TCERG1: variants seen among roughly 807,000 people sequenced by gnomAD.
TCERG1 encodes transcription elongation regulator 1.
In TCERG1, 37 loss-of-function variants were observed where a neutral mutation model predicts 144.7. The ratio of observed to expected loss-of-function variants is 0.26; its 90% CI spans 0.20 to 0.34. The LOEUF is 0.34. TCERG1 is among the 10% of genes least tolerant of loss of function. The pLI is 1.00. For missense variants in TCERG1, 1,027 were observed against 1,380.7 expected, an observed-to-expected ratio of 0.74 and a Z score of 4.06; for synonymous variants, 492 against 458.2, an observed-to-expected ratio of 1.07 and a Z score of -0.94.
At chr5:146,480,757 T>C (rs1442655562) in intron 12 of TCERG1, among the ~76,000 whole-genome samples, 1 of 152,060 alleles carries the variant, frequency 6.6e-6, no homozygotes, top group Non-Finnish European at 1.5e-5. Flanking sequence ...ACAGATTGAA[T>C]GCAGCCAAAT....
At chr5:146,463,401 C>A in intron 4 of TCERG1, 150 bp from the exon 5 acceptor site, 1 of 1,078,948 alleles carries the variant, frequency 9.3e-7, no homozygotes, top group Non-Finnish European at 1.3e-6. Context: ...TATTTTCAAG[C>A]TTCTTGAAGA....
intron 15 of TCERG1, among the ~76,000 whole-genome samples, chr5:146,484,539 T>C (rs762906163): frequency 3.9e-5 from 6 of 152,042 alleles, no homozygotes; most frequent in Admixed American, 6.6e-5. Context: ...GGTCTAATCA[T>C]GGACTTGAAT....
intron 15 of TCERG1, among the ~76,000 whole-genome samples, chr5:146,490,256 C>G (rs1581524335): frequency 6.6e-6 from 1 of 152,100 alleles, no homozygotes; most frequent in African/African-American, 2.4e-5. Context: ...TGTTCCAAGA[C>G]ACCCAGTGGA....
intron 16 of TCERG1, 138 bp from the exon 17 acceptor site, chr5:146,498,398 A>T (rs1767131051): frequency 1.3e-6 from 1 of 784,508 alleles, no homozygotes; most frequent in African/African-American, 1.8e-5. Flanking sequence ...TCTGAAACTT[A>T]CTGTTCACTG....
rs1408374365 is a variant in TCERG1 at position 146,507,333 on chromosome 5, C to A, written c.2961+126C>A. 3 of 870,650 alleles carry A rather than the reference C, an allele frequency of 3.4e-6. No homozygotes were observed. In the African/African-American group the frequency reaches 5.3e-5, roughly 15 times the overall value. 53.9% of individuals were successfully genotyped at this position (870,650 alleles called of 1,614,324 possible). ...TTCATTACTGGAATGCATCTTATGA[C>A]AATTCTCTGATTTTAAAAAATTATG... On this transcript the variant is annotated intron_variant, in intron 20 of 22. Coordinates refer to ENST00000679501, the MANE Select transcript of TCERG1 (RefSeq NM_001382548.1). This position sits in a 1 kb window ranked among gnomAD's most constrained non-coding sequence, Gnocchi z 4.6.
At chr5:146,490,304 A>T (rs1766273491) in intron 15 of TCERG1, among the ~76,000 whole-genome samples, 1 of 152,174 alleles carries the variant, frequency 6.6e-6, no homozygotes, top group Non-Finnish European at 1.5e-5. Flanking sequence ...ACTTGGGAAG[A>T]TGTCGAAGGT....
intron 15 of TCERG1, among the ~76,000 whole-genome samples, chr5:146,487,959 CA>C (rs1419751752): frequency 6.6e-6 from 1 of 152,006 alleles, no homozygotes; most frequent in Middle Eastern, 3.2e-3. Context: ...TATCTATAGG[CA>C]ACTTATTTTG....
chr5:146,447,525 G>A, intron 1 of TCERG1, 117 bp downstream of exon 1: 1 of 1,336,972 alleles, frequency 7.5e-7, no homozygotes, highest in Non-Finnish European at 1.0e-6. Flanking sequence ...GGCGGCCCGG[G>A]CCGGGACCGC....
intron 17 of TCERG1, among the ~76,000 whole-genome samples, chr5:146,502,352 G>C (rs1350287241): frequency 2.0e-5 from 3 of 152,134 alleles, no homozygotes; most frequent in African/African-American, 7.2e-5. Flanking sequence ...TGGAAGGGAG[G>C]GGTTCTTAAT....
chr5:146,465,506 T>C (rs972360432), intron 5 of TCERG1, among the ~76,000 whole-genome samples: 2 of 152,232 alleles, frequency 1.3e-5, no homozygotes, highest in South Asian at 2.1e-4. Context: ...CCCCAAAATA[T>C]GATGACATAT....
rs1190962145 is a variant in TCERG1, at chr5:146,468,213, T to C, written c.1136-128T>C. The C allele has an allele frequency of 4.3e-6, 3 of 704,842 alleles. No individual in the cohort carries two copies. The African/African-American group carries it at 5.6e-5, about 13-fold the overall frequency. 43.7% of individuals were successfully genotyped at this position (704,842 alleles called of 1,614,324 possible). A position where few individuals can be genotyped will look rare whatever the true frequency, so the allele number is the denominator to read the frequency against. ...AATGTCAAACAGAAAGAAATTTTAC[T>C]CCATTCTTGGTCTTTTTCATTGGAA... On this transcript the variant is annotated intron_variant, in intron 5 of 22. Coordinates refer to ENST00000679501, the MANE Select transcript of TCERG1 (RefSeq NM_001382548.1).
At chr5:146,501,664 T>C (rs1767463095) in intron 17 of TCERG1, among the ~76,000 whole-genome samples, 1 of 152,130 alleles carries the variant, frequency 6.6e-6, no homozygotes, top group Non-Finnish European at 1.5e-5. Flanking sequence ...GTAGACAAGA[T>C]GAACAGAAAA....
chr5:146,467,720 TA>T (rs1318032029), intron 5 of TCERG1, among the ~76,000 whole-genome samples: 3 of 152,246 alleles, frequency 2.0e-5, no homozygotes, highest in African/African-American at 7.2e-5. Context: ...GAGCAGGCAC[TA>T]AACATGGATA....
intron 16 of TCERG1, among the ~76,000 whole-genome samples, chr5:146,494,554 G>A (rs1281983414): frequency 6.6e-6 from 1 of 152,112 alleles, no homozygotes. Context: ...GGCACTAAGG[G>A]CATTGTCCTG....
In TCERG1 at chr5:146,507,799, A is replaced by T; in HGVS notation, c.2962-74A>T. 1 of 947,438 alleles carries T rather than the reference A, an allele frequency of 1.1e-6. No homozygotes were observed. The highest frequency in any genetic ancestry group is 1.6e-6 in the Non-Finnish European group (1 of 615,726). 58.7% of individuals were successfully genotyped at this position (947,438 alleles called of 1,614,324 possible). ...CGCAGGTCAGTGTGTAATATTATGT[A>T]CCTATGTGCTGCAGTTTGACTCCCT... is the stretch of plus-strand genomic sequence containing the variant. On this transcript the variant is annotated intron_variant, in intron 20 of 22. Coordinates refer to ENST00000679501, the MANE Select transcript of TCERG1 (RefSeq NM_001382548.1). This position sits in a 1 kb window ranked among gnomAD's most constrained non-coding sequence, Gnocchi z 4.6.
chr5:146,496,248 G>GT (rs1318664534), intron 16 of TCERG1, among the ~76,000 whole-genome samples: 1 of 152,090 alleles, frequency 6.6e-6, no homozygotes, highest in Non-Finnish European at 1.5e-5. Context: ...TATTTAACCT[G>GT]TTTGGAGTTT....
At chr5:146,490,420 A>G (rs979928594) in intron 15 of TCERG1, among the ~76,000 whole-genome samples, 1 of 152,192 alleles carries the variant, frequency 6.6e-6, no homozygotes, top group African/African-American at 2.4e-5. Flanking sequence ...GTGCAGGGAA[A>G]GTTTATTTGA....
intron 17 of TCERG1, 87 bp from the exon 18 acceptor site, chr5:146,503,288 T>C: frequency 7.5e-7 from 1 of 1,328,748 alleles, no homozygotes; most frequent in African/African-American, 1.5e-5. Flanking sequence ...GGTGAACTTT[T>C]TTTCTAGTTG....
intron 3 of TCERG1, among the ~76,000 whole-genome samples, chr5:146,457,956 T>A (rs1762974439): frequency 6.6e-6 from 1 of 152,148 alleles, no homozygotes; most frequent in South Asian, 2.1e-4. Context: ...TTCAAGCAAT[T>A]CTCCTGCCTC....
Sources: allele counts gnomAD v4.1 joint callset (sites outside exome capture counted in the v4.1 genomes callset), GRCh38; gene constraint gnomAD v4.1.1; non-coding constraint Gnocchi (gnomAD v3.1); transcripts MANE v1.5; gene names NCBI Gene and HGNC (gene_info 2026-07-23, HGNC 2026-07-21).